The following LRIG1 variants were observed in gnomAD, a reference collection of about 807,000 sequenced individuals.
LRIG1 encodes leucine-rich repeats and immunoglobulin-like domains protein 1.
A neutral mutation model predicts 99.2 loss-of-function variants in LRIG1; 48 were observed. The observed-to-expected ratio is 0.48, with a 90% CI of 0.38 to 0.62. The LOEUF is 0.62. Ranked by LOEUF, LRIG1 falls within the 20% of genes least tolerant of loss-of-function variation. The pLI is 0.00. For synonymous variants in LRIG1, 772 were observed against 596.1 expected (o/e 1.29, Z -4.30); for missense variants, 1,646 against 1,434.4 (o/e 1.15, Z -2.38).
chr3:66,498,754 CTG>C (rs1290065492), intron 1 of LRIG1, among the ~76,000 whole-genome samples: 1 of 152,204 alleles, frequency 6.6e-6, no homozygotes, highest in Non-Finnish European at 1.5e-5. Context: ...GAAAACCTAA[CTG>C]TAACTAAAGG....
intron 3 of LRIG1, among the ~76,000 whole-genome samples, chr3:66,443,292 G>A (rs1327858188): frequency 7.9e-6 from 1 of 126,624 alleles, no homozygotes; most frequent in African/African-American, 2.8e-5. Flanking sequence ...AAAAGGCAGG[G>A]AAGGGAGGGT....
intron 3 of LRIG1, among the ~76,000 whole-genome samples, chr3:66,441,497 A>G (rs1053420962): frequency 6.6e-6 from 1 of 152,128 alleles, no homozygotes; most frequent in East Asian, 1.9e-4. Flanking sequence ...TAGTAGGGGG[A>G]AGGACCTTCT....
intron 2 of LRIG1, among the ~76,000 whole-genome samples, chr3:66,461,894 T>C (rs1700362401): frequency 6.6e-6 from 1 of 152,144 alleles, no homozygotes; most frequent in Non-Finnish European, 1.5e-5. Flanking sequence ...GAGGAACAGG[T>C]AAGCCTCTAT....
rs1700902078 is a variant in LRIG1, at chr3:66,379,455, G to A, written c.*808C>T. Reference sequence around the variant, plus strand: ...TACCTTAATTTAAAAGTCTCAAATAGCAATCGAATGATACTGAGAAGGCCA... The same window carrying A: ...TACCTTAATTTAAAAGTCTCAAATAACAATCGAATGATACTGAGAAGGCCA... On this transcript the variant is annotated 3_prime_UTR_variant, in exon 19 of 19. Coordinates refer to ENST00000273261, the MANE Select transcript of LRIG1 (RefSeq NM_015541.3). 1 of 152,110 alleles carries A rather than the reference G, an allele frequency of 6.6e-6. No homozygotes were observed. The highest frequency in any genetic ancestry group is 1.5e-5 in the Non-Finnish European group (1 of 68,028). 9.4% of individuals were successfully genotyped at this position (152,110 alleles called of 1,614,324 possible). A position where few individuals can be genotyped will look rare whatever the true frequency, so the allele number is the denominator to read the frequency against.
intron 16 of LRIG1, 90 bp downstream of exon 16, chr3:66,382,173 CTAATGCCAGG>C: frequency 7.0e-7 from 1 of 1,427,436 alleles, no homozygotes; most frequent in Non-Finnish European, 9.7e-7. Flanking sequence ...TTTGCCCCAT[CTAATGCCAGG>C]TACCTGCCCT....
chr3:66,414,007 G>A (rs549463727), intron 5 of LRIG1, among the ~76,000 whole-genome samples: 3 of 152,176 alleles, frequency 2.0e-5, no homozygotes, highest in African/African-American at 7.2e-5. Context: ...CCTTCGTCAG[G>A]CTCTGGTTAA....
chr3:66,496,555 G>A (rs913608248), intron 1 of LRIG1, among the ~76,000 whole-genome samples: 5 of 152,202 alleles, frequency 3.3e-5, no homozygotes, highest in Non-Finnish European at 5.9e-5. Context: ...GAAACTCTAA[G>A]AGCACTTGCA....
At chr3:66,498,026 G>T (rs1366227276) in intron 1 of LRIG1, 1 of 152,182 alleles carries the variant, frequency 6.6e-6, no homozygotes, top group East Asian at 1.9e-4. Context: ...TCAGAAGTCT[G>T]AAGTCTAGAA....
intron 3 of LRIG1, among the ~76,000 whole-genome samples, chr3:66,441,782 T>C (rs1703548955): frequency 6.6e-6 from 1 of 152,168 alleles, no homozygotes; most frequent in Non-Finnish European, 1.5e-5. Flanking sequence ...CCAGACCACA[T>C]ACTTCCAAGT....
intron 3 of LRIG1, among the ~76,000 whole-genome samples, chr3:66,443,879 G>T (rs1488253204): frequency 3.3e-5 from 5 of 152,190 alleles, no homozygotes; most frequent in East Asian, 3.9e-4. Flanking sequence ...CAGTTCCCAG[G>T]CTGGGAAAAT....
intron 1 of LRIG1, among the ~76,000 whole-genome samples, chr3:66,497,413 G>C (rs1466256366): frequency 1.3e-5 from 2 of 152,072 alleles, no homozygotes; most frequent in Non-Finnish European, 2.9e-5. Flanking sequence ...TTCTTCTCAG[G>C]TTCTGGGAAG....
At chr3:66,417,529 C>T (rs1391831203) in intron 3 of LRIG1, 1 of 451,558 alleles carries the variant, frequency 2.2e-6, no homozygotes. Context: ...AGCAGTGACA[C>T]TGAAGACCAT....
At chr3:66,392,327 G>T (rs924548722) in intron 12 of LRIG1, among the ~76,000 whole-genome samples, 1 of 152,172 alleles carries the variant, frequency 6.6e-6, no homozygotes, top group Non-Finnish European at 1.5e-5. Context: ...GGAACTGCCA[G>T]GTCATGTCGT....
chr3:66,491,687 C>A (rs1701105038), intron 1 of LRIG1, among the ~76,000 whole-genome samples: 1 of 151,858 alleles, frequency 6.6e-6, no homozygotes, highest in Non-Finnish European at 1.5e-5. Flanking sequence ...TTAAAAAAAA[C>A]CTATACATTT....
chr3:66,452,050 C>G (rs1176867542), intron 2 of LRIG1, among the ~76,000 whole-genome samples: 1 of 152,174 alleles, frequency 6.6e-6, no homozygotes, highest in Non-Finnish European at 1.5e-5. Context: ...CAGAGACTCA[C>G]GCCCTGGCTC....
intron 12 of LRIG1, among the ~76,000 whole-genome samples, chr3:66,391,109 A>C (rs1701598980): frequency 6.6e-6 from 1 of 152,194 alleles, no homozygotes; most frequent in African/African-American, 2.4e-5. Context: ...AACCACCATG[A>C]GACTCTATTT....
intron 9 of LRIG1, among the ~76,000 whole-genome samples, chr3:66,403,955 A>G (rs1702163400): frequency 6.6e-6 from 1 of 152,190 alleles, no homozygotes. Flanking sequence ...CCCACTTGGT[A>G]CTTCTGGCTC....
At chr3:66,490,403 C>CA (rs1326440069) in intron 1 of LRIG1, among the ~76,000 whole-genome samples, 1 of 152,170 alleles carries the variant, frequency 6.6e-6, no homozygotes, top group East Asian at 1.9e-4. Context: ...ATAAGTTTTG[C>CA]AAGCACTGGG....
At chr3:66,437,846 T>C (rs1703410386) in intron 3 of LRIG1, among the ~76,000 whole-genome samples, 1 of 152,070 alleles carries the variant, frequency 6.6e-6, no homozygotes, top group Non-Finnish European at 1.5e-5. Context: ...GGGGCGGCTA[T>C]TCCAGATCAA....
Sources: gnomAD v4.1 joint callset for allele counts (sites outside exome capture counted in the v4.1 genomes callset) on GRCh38, gnomAD v4.1.1 for gene constraint, MANE v1.5 for transcripts, NCBI Gene and HGNC (gene_info 2026-07-23, HGNC 2026-07-21) for gene names.